GPX8: variants seen among roughly 807,000 people sequenced by gnomAD.
The protein encoded by GPX8 is protein peroxidase GPX8.
A neutral mutation model predicts 17.8 loss-of-function variants in GPX8; 12 were observed. That is an observed-to-expected ratio of 0.67 (90% CI 0.43 to 1.09). The LOEUF is 1.09. Among genes scored for constraint, GPX8 ranks in the 50% least tolerant of loss-of-function variants. The pLI, the probability that GPX8 is intolerant of heterozygous loss-of-function variation, is 0.00. For missense variants in GPX8, 209 were observed against 235.6 expected (o/e 0.89, Z 0.74); for synonymous variants, 86 against 88.1 (o/e 0.98, Z 0.14).
At chr5:55,160,972 GA>G in intron 1 of GPX8, 21 bp from the exon 2 acceptor site, 1 of 1,584,016 alleles carries the variant, frequency 6.3e-7, no homozygotes, top group Non-Finnish European at 8.6e-7. Flanking sequence ...TTTCCGGTTG[GA>G]TTTTTTTCTT....
At position 55,160,239 on chromosome 5, in the gene GPX8, C is replaced by A; in HGVS notation, c.47C>A (p.Ala16Glu). 1 of 1,614,098 alleles carries A rather than the reference C, an allele frequency of 6.2e-7. No individual in the cohort carries two copies. Reference sequence around the variant, plus strand: ...CCGCTAAAATGTTCCGGGCCCAGAGCAAAGGTATTTGCAGTTTTGCTGTCT... The same window carrying A: ...CCGCTAAAATGTTCCGGGCCCAGAGAAAAGGTATTTGCAGTTTTGCTGTCT... ...AYPLKCSGPRAKVFAVLLSIV... is the reference protein window; with the variant it reads ...AYPLKCSGPREKVFAVLLSIV... Residue 16 changes from alanine to glutamate, a missense_variant, in exon 1 of 3, where the codon GCA becomes GAA. By Grantham distance (107) the Ala-to-Glu change is moderately radical (BLOSUM62 -1). Transcript: ENST00000503787.
intron 2 of GPX8, among the ~76,000 whole-genome samples, chr5:55,163,705 A>G (rs1428837153): frequency 6.6e-6 from 1 of 150,970 alleles, no homozygotes; most frequent in Non-Finnish European, 1.5e-5. Flanking sequence ...ATGGGGTTTC[A>G]CCGTGTTGGG....
Position 55,164,137 on chromosome 5 carries a change from A to G in GPX8, c.549A>G (p.Pro183=), listed in dbSNP as rs1024452101. The G allele has an allele frequency of 1.2e-6, 2 of 1,605,710 alleles. No homozygotes were observed. The highest frequency in any genetic ancestry group is 1.7e-6 in the Non-Finnish European group (2 of 1,174,216). Reference sequence around the variant, plus strand: ...GTCAAGTTGTGAAGTTCTGGAAGCCAGAGGAGCCCATTGAAGTCATCAGGC... The same window carrying G: ...GTCAAGTTGTGAAGTTCTGGAAGCCGGAGGAGCCCATTGAAGTCATCAGGC... The part of the protein sequence containing the change: ...PEGQVVKFWK[P]EEPIEVIRPD... The change falls in exon 3 of 3, where the codon CCA becomes CCG. Residue 183 remains proline (P), a synonymous_variant. Coordinates refer to ENST00000503787, the MANE Select transcript of GPX8 (RefSeq NM_001008397.4).
At position 55,161,077 on chromosome 5, in the gene GPX8, T is replaced by C. The variant is rs2111941466; in HGVS notation, c.288T>C (p.Phe96=). 1.2e-6 allele frequency: 2 copies of C among 1,614,216 alleles called. No homozygotes were observed. Among genetic ancestry groups the C allele is most frequent in the South Asian group, 2.2e-5 (2 of 91,088 alleles). ...GGCTGAAGGAACTGCACAAAGAGTT[T>C]GGACCATCCCACTTCAGCGTGTTGG... ...YLGLKELHKE[F]GPSHFSVLAF... Residue 96 remains phenylalanine (F), a synonymous_variant, in exon 2 of 3, where the codon TTT becomes TTC. Coordinates refer to ENST00000503787, the MANE Select transcript of GPX8 (RefSeq NM_001008397.4).
In GPX8 at chr5:55,164,431, T is replaced by A. The variant is rs1244195476; in HGVS notation, c.*213T>A. ...TTTTTAATGTTATCTTGCTATTAAG[T>A]GGTAATGAATGTTCCCAGGATGAGG... On this transcript the variant is annotated 3_prime_UTR_variant, in exon 3 of 3. Transcript: ENST00000503787. The A allele has an allele frequency of 2.1e-5, 7 of 327,056 alleles. No individual in the cohort carries two copies. Among genetic ancestry groups the A allele is most frequent in the Non-Finnish European group, 3.3e-5 (6 of 181,906 alleles). The allele number at this position is 327,056 out of a possible 1,614,324, so 20.3% of individuals were successfully genotyped here.
In GPX8 at chr5:55,164,390, G is replaced by T; in HGVS notation, c.*172G>T. 1 of 398,546 alleles carries T rather than the reference G, an allele frequency of 2.5e-6. No individual in the cohort carries two copies. Among genetic ancestry groups the T allele is most frequent in the Non-Finnish European group, 4.4e-6 (1 of 229,820 alleles). 24.7% of individuals were successfully genotyped at this position (398,546 alleles called of 1,614,324 possible). On this transcript the variant is annotated 3_prime_UTR_variant, in exon 3 of 3. Transcript: ENST00000503787. ...CCTTTTTAAACATGCTATTAAATGT[G>T]GCAATGAAGGATTTTTTTTTAATGT...
rs1313950476 is a variant in GPX8 at position 55,161,152 on chromosome 5, A to G, written c.363A>G (p.Glu121=). 5 of 1,614,218 alleles carry G rather than the reference A, an allele frequency of 3.1e-6. No homozygotes were observed. In the South Asian group the frequency reaches 5.5e-5, roughly 18 times the overall value. ...AATCGGAGCCCCGCCCAAGCAAGGA[A>G]GTAGAATCTTTTGCAAGAAAAAACT... is the stretch of plus-strand genomic sequence containing the variant. The part of the protein sequence containing the change: ...FGESEPRPSK[E]VESFARKNYG... The change falls in exon 2 of 3, where the codon GAA becomes GAG. Residue 121 remains glutamate (E), a synonymous_variant. Coordinates refer to ENST00000503787, the MANE Select transcript of GPX8 (RefSeq NM_001008397.4).
At chr5:55,160,420 ATTG>A (rs777117585) in intron 1 of GPX8, 24 bp downstream of exon 1, 1 of 1,566,938 alleles carries the variant, frequency 6.4e-7, no homozygotes, top group Admixed American at 1.7e-5. Context: ...TCTGATTTTT[ATTG>A]TTATCATTTT....
rs770293059 is a variant in GPX8 at position 55,164,157 on chromosome 5, T to C, written c.569T>C (p.Ile190Thr). Residue 190 changes from isoleucine (I) to threonine (T), a missense_variant, in exon 3 of 3, where the codon ATC becomes ACC. Transcript: ENST00000503787. ...AAGCCAGAGGAGCCCATTGAAGTCA[T>C]CAGGCCTGACATAGCAGCTCTGGTT... ...FWKPEEPIEV[I>T]RPDIAALVRQ... is the part of the protein sequence containing the mutation. The C allele has an allele frequency of 2.5e-6, 4 of 1,602,524 alleles. No individual in the cohort carries two copies. Among genetic ancestry groups the C allele is most frequent in the South Asian group, 2.2e-5 (2 of 89,376 alleles).
Position 55,161,051 on chromosome 5 carries a change from G to C in GPX8, c.262G>C (p.Gly88Arg). The C allele has an allele frequency of 6.2e-7, 1 of 1,614,046 alleles. No homozygotes were observed. The highest frequency in any genetic ancestry group is 8.5e-7 in the Non-Finnish European group (1 of 1,180,004). ...DCQLTDRNYL[G>R]LKELHKEFGP... ...CCAACTCACAGACAGAAATTACTTA[G>C]GGCTGAAGGAACTGCACAAAGAGTT... The change falls in exon 2 of 3, where the codon GGG becomes CGG. Residue 88 changes from glycine (G) to arginine (R), a missense_variant. By Grantham distance (125) the Gly-to-Arg change is moderately radical. Coordinates refer to ENST00000503787, the MANE Select transcript of GPX8 (RefSeq NM_001008397.4).
chr5:55,161,962 A>T (rs1355242562), intron 2 of GPX8, among the ~76,000 whole-genome samples: 1 of 152,084 alleles, frequency 6.6e-6, no homozygotes, highest in Non-Finnish European at 1.5e-5. Flanking sequence ...CCTGTTTCTC[A>T]TTTGTAAAAT....
Position 55,166,641 on chromosome 5 carries a change from A to G in GPX8, c.*2423A>G, listed in dbSNP as rs909739949. On this transcript the variant is annotated 3_prime_UTR_variant, in exon 3 of 3. Coordinates refer to ENST00000503787, the MANE Select transcript of GPX8 (RefSeq NM_001008397.4). ...AGAGGAAAAGTTGAATCTTTCCTAT[A>G]TTGGACAATCTTCCTTCAGTCTTGT... The G allele has an allele frequency of 6.6e-6, 1 of 152,208 alleles. No individual in the cohort carries two copies. Among genetic ancestry groups the G allele is most frequent in the African/African-American group, 2.4e-5 (1 of 41,454 alleles). 9.4% of individuals were successfully genotyped at this position (152,208 alleles called of 1,614,324 possible).
chr5:55,160,780 T>A (rs1744002920), intron 1 of GPX8: 2 of 522,098 alleles, frequency 3.8e-6, no homozygotes. Flanking sequence ...TTCATGAGTA[T>A]CTAATGCTTT....
At chr5:55,160,499 AT>A in intron 1 of GPX8, 103 bp downstream of exon 1, 1 of 819,446 alleles carries the variant, frequency 1.2e-6, no homozygotes, top group Non-Finnish European at 2.0e-6. Flanking sequence ...ATAAGTTGGA[AT>A]TTAGTCTTCA....
chr5:55,164,284 A>AT lies in GPX8; in HGVS notation c.*76dup, dbSNP rs552883936. The AT allele has an allele frequency of 0.012, 13,299 of 1,109,344 alleles. No individual in the cohort carries two copies. Among genetic ancestry groups the AT allele is most frequent in the South Asian group, 0.016 (612 of 38,414 alleles). 68.7% of individuals were successfully genotyped at this position (1,109,344 alleles called of 1,614,324 possible). On this transcript the variant is annotated 3_prime_UTR_variant, in exon 3 of 3. Coordinates refer to ENST00000503787, the MANE Select transcript of GPX8 (RefSeq NM_001008397.4). ...ATGAGGGTTTGGTCTCATTTTAAAC[A>AT]TTTTTTTTTTGGAGACAGTGTCTCA... is the stretch of plus-strand genomic sequence containing the variant.
rs1744281660 is a variant in GPX8 at position 55,164,588 on chromosome 5, G to C, written c.*370G>C. On this transcript the variant is annotated 3_prime_UTR_variant, in exon 3 of 3. Transcript: ENST00000503787. ...GCCTCAATATCTTATTGTTCAACTT[G>C]ACATTTTCTAGGACTGTACTTGATG... The C allele has an allele frequency of 1.3e-5, 2 of 154,752 alleles. No homozygotes were observed. The highest frequency in any genetic ancestry group is 1.3e-4 in the Admixed American group (2 of 15,444). The allele number at this position is 154,752 out of a possible 1,614,324, so 9.6% of individuals were successfully genotyped here. A position where few individuals can be genotyped will look rare whatever the true frequency, so the allele number is the denominator to read the frequency against.
Position 55,166,283 on chromosome 5 carries a change from T to C in GPX8, c.*2065T>C, listed in dbSNP as rs371857205. On this transcript the variant is annotated 3_prime_UTR_variant, in exon 3 of 3. Transcript: ENST00000503787. ...ACTGTCCCAGTCAACATGATACAGA[T>C]GAACATCCTGCCTTAAGTCACTAGC... 21 of 152,376 alleles carry C rather than the reference T, an allele frequency of 1.4e-4. No individual in the cohort carries two copies. The highest frequency in any genetic ancestry group is 5.1e-4 in the African/African-American group (21 of 41,582). 9.4% of individuals were successfully genotyped at this position (152,376 alleles called of 1,614,324 possible). A position where few individuals can be genotyped will look rare whatever the true frequency, so the allele number is the denominator to read the frequency against.
intron 2 of GPX8, 110 bp from the exon 3 acceptor site, chr5:55,163,945 C>T (rs1322629061): frequency 2.6e-6 from 2 of 755,902 alleles, no homozygotes; most frequent in Non-Finnish European, 3.9e-6. Context: ...TATATTATGA[C>T]AGTCCTAGAA....
chr5:55,166,069 A>G lies in GPX8; in HGVS notation c.*1851A>G, dbSNP rs1744366457. 6.6e-6 allele frequency: 1 copy of G among 152,266 alleles called. No homozygotes were observed. Among genetic ancestry groups the G allele is most frequent in the Non-Finnish European group, 1.5e-5 (1 of 68,048 alleles). 9.4% of individuals were successfully genotyped at this position (152,266 alleles called of 1,614,324 possible). A position where few individuals can be genotyped will look rare whatever the true frequency, so the allele number is the denominator to read the frequency against. ...GGTGGCCCCTCCAAGTGTTGGTGCC[A>G]GAGCACTCTTGCCTTGTATCCTCAC... On this transcript the variant is annotated 3_prime_UTR_variant, in exon 3 of 3. Transcript: ENST00000503787.
Sources: allele counts gnomAD v4.1 joint callset (sites outside exome capture counted in the v4.1 genomes callset), GRCh38; gene constraint gnomAD v4.1.1; transcripts MANE v1.5; gene names NCBI Gene and HGNC (gene_info 2026-07-23, HGNC 2026-07-21).